Variants in NRCAM observed in about 807,000 individuals in gnomAD.
NRCAM encodes NgCAM-related cell adhesion molecule.
In NRCAM, 83 loss-of-function variants were observed where a neutral mutation model predicts 156.5. The observed-to-expected ratio is 0.53, with a 90% CI of 0.44 to 0.64. The LOEUF is 0.64. Among genes scored for constraint, NRCAM ranks in the 30% least tolerant of loss-of-function variants. The pLI is 0.00. For missense variants in NRCAM, 1,417 were observed against 1,597.3 expected, an observed-to-expected ratio of 0.89 and a Z score of 1.92; for synonymous variants, 538 against 563.9, an observed-to-expected ratio of 0.95 and a Z score of 0.65.
intron 24 of NRCAM, among the ~76,000 whole-genome samples, chr7:108,181,195 G>GA (rs5886442): frequency 0.69 from 102,152 of 148,598 alleles, 35,963 homozygotes; most frequent in East Asian, 0.86. Flanking sequence ...ATGCTAGGGG[G>GA]AAAAAAAAAA....
At chr7:108,443,466 C>G (rs1490989205) in intron 1 of NRCAM, among the ~76,000 whole-genome samples, 2 of 152,194 alleles carry the variant, frequency 1.3e-5, no homozygotes, top group African/African-American at 2.4e-5. Flanking sequence ...GCAAAATTCT[C>G]CACAATGCCA....
chr7:108,150,859 C>G (rs75278886), intron 32 of NRCAM: 1 of 402,638 alleles, frequency 2.5e-6, no homozygotes, highest in Admixed American at 3.6e-5. Flanking sequence ...TGGAAAGAGA[C>G]GCACTTTAAC....
At chr7:108,339,448 A>G (rs1279473151) in intron 2 of NRCAM, among the ~76,000 whole-genome samples, 4 of 152,294 alleles carry the variant, frequency 2.6e-5, no homozygotes, top group Middle Eastern at 3.4e-3. Context: ...AAACGAATTT[A>G]CTTAAGAACT....
chr7:108,362,233 T>C (rs1237840480), intron 2 of NRCAM, among the ~76,000 whole-genome samples: 2 of 152,128 alleles, frequency 1.3e-5, no homozygotes, highest in Admixed American at 6.5e-5. Context: ...TAATCCCAAG[T>C]GGAGAAAGGA....
At chr7:108,432,773 G>A (rs535450701) in intron 1 of NRCAM, among the ~76,000 whole-genome samples, 139 of 152,192 alleles carry the variant, frequency 9.1e-4, no homozygotes, top group African/African-American at 3.2e-3. Context: ...GTGGTGGTAC[G>A]CACCTATAGT....
At chr7:108,365,555 A>C (rs1190874965) in intron 2 of NRCAM, among the ~76,000 whole-genome samples, 1 of 152,206 alleles carries the variant, frequency 6.6e-6, no homozygotes. Context: ...AATCTAAGAT[A>C]ATATGAAAAA....
chr7:108,227,440 A>G (rs1015502870), intron 8 of NRCAM, among the ~76,000 whole-genome samples: 3 of 152,210 alleles, frequency 2.0e-5, no homozygotes, highest in Admixed American at 2.0e-4. Context: ...ATCACCTTAG[A>G]CAGTTACGAT....
chr7:108,288,024 C>T (rs1338209871), intron 3 of NRCAM, among the ~76,000 whole-genome samples: 1 of 151,958 alleles, frequency 6.6e-6, no homozygotes, highest in African/African-American at 2.4e-5. Context: ...TGCACACATA[C>T]GTATACACAT....
At chr7:108,175,426 C>T (rs753426166) in intron 27 of NRCAM, 69 bp from the exon 28 acceptor site, 23 of 1,312,952 alleles carry the variant, frequency 1.8e-5, no homozygotes, top group Admixed American at 1.1e-4. Flanking sequence ...GCATGTATAG[C>T]GATACAAAAA....
chr7:108,182,261 C>A (rs1433380553), intron 23 of NRCAM, among the ~76,000 whole-genome samples: 1 of 151,110 alleles, frequency 6.6e-6, no homozygotes, highest in Non-Finnish European at 1.5e-5. Context: ...CTGCATGGGT[C>A]CACTTACACT....
intron 13 of NRCAM, among the ~76,000 whole-genome samples, chr7:108,205,908 TC>T (rs1308062591): frequency 6.6e-6 from 1 of 152,216 alleles, no homozygotes; most frequent in Non-Finnish European, 1.5e-5. Flanking sequence ...TTCTAGGCTT[TC>T]TTCTACTTTT....
chr7:108,380,182 T>C (rs2099694727), intron 2 of NRCAM, among the ~76,000 whole-genome samples: 1 of 152,230 alleles, frequency 6.6e-6, no homozygotes, highest in African/African-American at 2.4e-5. Context: ...ACTGTTGGCA[T>C]TGAAAACAAT....
At chr7:108,261,121 G>A (rs1358659446) in intron 3 of NRCAM, among the ~76,000 whole-genome samples, 1 of 152,074 alleles carries the variant, frequency 6.6e-6, no homozygotes, top group Non-Finnish European at 1.5e-5. Context: ...ATTTTGTCTG[G>A]GTCCAAGCTG....
chr7:108,395,132 G>A (rs1432714763), intron 2 of NRCAM, among the ~76,000 whole-genome samples: 1 of 152,202 alleles, frequency 6.6e-6, no homozygotes, highest in Non-Finnish European at 1.5e-5. Context: ...GAGAAAATGT[G>A]AAGAGTCATT....
At chr7:108,332,986 G>A (rs541082234) in intron 2 of NRCAM, among the ~76,000 whole-genome samples, 4 of 152,246 alleles carry the variant, frequency 2.6e-5, no homozygotes, top group African/African-American at 9.6e-5. Context: ...TTGCTGTTTT[G>A]TAGATCAAAA....
At chr7:108,269,268 T>C (rs1410692923) in intron 3 of NRCAM, among the ~76,000 whole-genome samples, 2 of 152,228 alleles carry the variant, frequency 1.3e-5, no homozygotes, top group African/African-American at 4.8e-5. Context: ...TGCTGATTTT[T>C]CCCTTTTGTC....
chr7:108,217,223 T>C (rs897768116), intron 11 of NRCAM, among the ~76,000 whole-genome samples: 5 of 152,234 alleles, frequency 3.3e-5, no homozygotes, highest in Admixed American at 2.6e-4. Context: ...CTCCAGACAC[T>C]GTTTGCTTGG....
At chr7:108,378,393 T>C (rs2099685378) in intron 2 of NRCAM, among the ~76,000 whole-genome samples, 1 of 151,904 alleles carries the variant, frequency 6.6e-6, no homozygotes, top group Non-Finnish European at 1.5e-5. Flanking sequence ...GAAGCCAAAG[T>C]TGAACAAACT....
intron 2 of NRCAM, among the ~76,000 whole-genome samples, chr7:108,339,739 T>G (rs1249265954): frequency 6.6e-6 from 1 of 152,154 alleles, no homozygotes; most frequent in Non-Finnish European, 1.5e-5. Context: ...TAGAGGACGC[T>G]CTACGACTAA....
Sources: allele counts gnomAD v4.1 joint callset (sites outside exome capture counted in the v4.1 genomes callset), GRCh38; gene constraint gnomAD v4.1.1; transcripts MANE v1.5; gene names NCBI Gene and HGNC (gene_info 2026-07-23, HGNC 2026-07-21).